RMDN1: variants seen among roughly 807,000 people sequenced by gnomAD.
The protein encoded by RMDN1 is regulator of microtubule dynamics 1.
Under a neutral mutation model 48.9 loss-of-function variants are expected in RMDN1, and 48 were observed. That is an observed-to-expected ratio of 0.98 (90% CI 0.78 to 1.25). RMDN1 has a LOEUF of 1.25. Among genes scored for constraint, RMDN1 ranks in the 50% most tolerant of loss-of-function variants. The probability of loss-of-function intolerance (pLI) is 0.00; values close to 1 mark genes in which losing one functional copy is unlikely to be tolerated. For missense variants in RMDN1, 418 were observed against 373.4 expected (o/e 1.12, Z -0.98); for synonymous variants, 148 against 132.6 (o/e 1.12, Z -0.80).
Position 86,473,314 on chromosome 8 carries a change from G to C in RMDN1, c.*994C>G. On this transcript the variant is annotated 3_prime_UTR_variant, in exon 10 of 10. Transcript: ENST00000406452. Reference sequence around the variant, plus strand: ...ACAAAACTTAAAAAGATTTTGCAGTGGTGGCACTCCAGCCTCAAGTGAGTA... The same window carrying C: ...ACAAAACTTAAAAAGATTTTGCAGTCGTGGCACTCCAGCCTCAAGTGAGTA... The C allele has an allele frequency of 1.0e-6, 1 of 985,342 alleles. No individual in the cohort carries two copies. The highest frequency in any genetic ancestry group is 1.2e-6 in the Non-Finnish European group (1 of 829,906). The allele number at this position is 985,342 out of a possible 1,614,324, so 61.0% of individuals were successfully genotyped here.
rs912349826 is a variant in RMDN1 at position 86,507,023 on chromosome 8, C to T, written c.219G>A (p.Gln73=). 4 of 1,610,194 alleles carry T rather than the reference C, an allele frequency of 2.5e-6. No homozygotes were observed. In the African/African-American group the frequency reaches 5.3e-5, roughly 22 times the overall value. ...LGFETYQVIS[Q]AAVVHATAKV... ...TGGCTGTGGCATGAACCACAGCAGC[C>T]TGAGAGATAACCTGGTAAGTTTCAA... The change falls in exon 2 of 10, where the codon CAG becomes CAA. Residue 73 remains glutamine (Q), a synonymous_variant. Transcript: ENST00000406452.
chr8:86,473,796 T>C lies in RMDN1; in HGVS notation c.*512A>G. ...AATAAAAAAGGAAACTACTCCATTT[T>C]TAGTCATCTCCTTACTTAGTTCTTT... On this transcript the variant is annotated 3_prime_UTR_variant, in exon 10 of 10. Coordinates refer to ENST00000406452, the MANE Select transcript of RMDN1 (RefSeq NM_016033.3). 7 of 980,634 alleles carry C rather than the reference T, an allele frequency of 7.1e-6. No individual in the cohort carries two copies. The highest frequency in any genetic ancestry group is 8.5e-6 in the Non-Finnish European group (7 of 825,598). The allele number at this position is 980,634 out of a possible 1,614,324, so 60.7% of individuals were successfully genotyped here.
chr8:86,507,275 A>C (rs1235435804), intron 1 of RMDN1, among the ~76,000 whole-genome samples, 163 bp from the exon 2 acceptor site: 2 of 152,216 alleles, frequency 1.3e-5, no homozygotes, highest in African/African-American at 4.8e-5. Context: ...ACTATCTCAA[A>C]GCGTATCTTA....
chr8:86,477,018 A>G (rs988474949), intron 8 of RMDN1, among the ~76,000 whole-genome samples: 2 of 152,186 alleles, frequency 1.3e-5, no homozygotes, highest in Admixed American at 1.3e-4. Context: ...GCAGTCTTGA[A>G]TAAGACAATT....
chr8:86,511,539 G>A (rs1462617042), upstream of RMDN1, among the ~76,000 whole-genome samples: 2 of 152,076 alleles, frequency 1.3e-5, no homozygotes, highest in Non-Finnish European at 2.9e-5. Context: ...GCTGGGCGTG[G>A]TGCCTCATGC....
At chr8:86,468,290 T>C (rs1345182489), downstream of RMDN1, 3 of 404,384 alleles carry the variant, frequency 7.4e-6, no homozygotes, top group African/African-American at 2.1e-5. Flanking sequence ...AAATTTTATT[T>C]TTCTACATAT....
chr8:86,498,844 G>A (rs191542520), intron 2 of RMDN1, among the ~76,000 whole-genome samples: 1 of 139,116 alleles, frequency 7.2e-6, no homozygotes, highest in Non-Finnish European at 1.6e-5. Flanking sequence ...ACTGAATCCA[G>A]CAGCACATTG....
upstream of RMDN1, chr8:86,508,715 C>A: frequency 1.4e-6 from 2 of 1,411,902 alleles, no homozygotes; most frequent in Non-Finnish European, 1.8e-6. Context: ...AAGAACCGCG[C>A]CCGCCCGCCT....
At chr8:86,503,818 T>TA (rs1818812336) in intron 2 of RMDN1, 1 of 543,964 alleles carries the variant, frequency 1.8e-6, no homozygotes, top group Non-Finnish European at 3.5e-6. Flanking sequence ...CCTTTTCCGT[T>TA]AGACTCTTTA....
intron 7 of RMDN1, chr8:86,478,017 G>C (rs1347275052): frequency 6.6e-6 from 1 of 152,016 alleles, no homozygotes; most frequent in Non-Finnish European, 1.5e-5. Flanking sequence ...TTAGCTGAGT[G>C]ACTGGGACTA....
chr8:86,505,465 G>C, intron 2 of RMDN1: 1 of 416,858 alleles, frequency 2.4e-6, no homozygotes, highest in East Asian at 7.3e-5. Context: ...GAGTGTGGAA[G>C]GCAGACGGGG....
At chr8:86,490,853 C>T (rs1018226801) in intron 2 of RMDN1, among the ~76,000 whole-genome samples, 6 of 151,890 alleles carry the variant, frequency 4.0e-5, no homozygotes, top group Non-Finnish European at 8.8e-5. Flanking sequence ...ATTACTCATG[C>T]GATTAAAAAT....
chr8:86,480,784 GA>G (rs1383779975), intron 5 of RMDN1, among the ~76,000 whole-genome samples: 1 of 151,998 alleles, frequency 6.6e-6, no homozygotes, highest in African/African-American at 2.4e-5. Context: ...TGTAATTTTA[GA>G]AAGTCTCTTC....
At chr8:86,484,636 T>G in intron 5 of RMDN1, 1 of 252,888 alleles carries the variant, frequency 4.0e-6, no homozygotes, top group Non-Finnish European at 7.4e-6. Flanking sequence ...GAAAATTGCT[T>G]GAACCCGGGA....
intron 2 of RMDN1, chr8:86,505,087 C>A (rs1425684251): frequency 2.9e-6 from 4 of 1,390,254 alleles, no homozygotes; most frequent in Non-Finnish European, 3.8e-6. Flanking sequence ...CCTTCCACCT[C>A]CCTCCCAGCA....
At chr8:86,488,706 C>G in intron 2 of RMDN1, 67 bp from the exon 3 acceptor site, 1 of 1,071,208 alleles carries the variant, frequency 9.3e-7, no homozygotes, top group Non-Finnish European at 1.4e-6. Flanking sequence ...GACAATAATT[C>G]AAAGAAACTT....
chr8:86,509,252 C>T (rs7465511), upstream of RMDN1, among the ~76,000 whole-genome samples: 40,537 of 151,978 alleles, frequency 0.27, 6,340 homozygotes, highest in East Asian at 0.54. Flanking sequence ...GGAAAGGATA[C>T]TGATGCCCTT....
intron 2 of RMDN1, among the ~76,000 whole-genome samples, chr8:86,505,762 C>A (rs956197281): frequency 2.6e-5 from 4 of 152,056 alleles, no homozygotes; most frequent in Admixed American, 6.6e-5. Flanking sequence ...GGTTAGCGTG[C>A]AATATGAAGA....
At chr8:86,494,344 C>T (rs1041101679) in intron 2 of RMDN1, among the ~76,000 whole-genome samples, 2 of 151,800 alleles carry the variant, frequency 1.3e-5, no homozygotes, top group African/African-American at 4.8e-5. Flanking sequence ...TCACTTGAGG[C>T]AAGGAATTCA....
Sources: allele counts gnomAD v4.1 joint callset (sites outside exome capture counted in the v4.1 genomes callset), GRCh38; gene constraint gnomAD v4.1.1; transcripts MANE v1.5; gene names NCBI Gene and HGNC (gene_info 2026-07-23, HGNC 2026-07-21).